The following COG5 variants were observed in gnomAD, a reference collection of about 807,000 sequenced individuals.
COG5 encodes conserved oligomeric Golgi complex subunit 5.
Under a neutral mutation model 110.4 loss-of-function variants are expected in COG5, and 86 were observed. That is an observed-to-expected ratio of 0.78 (90% CI 0.65 to 0.93). The LOEUF is 0.93. COG5 is among the 40% of genes least tolerant of loss of function. The pLI, the probability that COG5 is intolerant of heterozygous loss-of-function variation, is 0.00. For missense variants in COG5, 1,077 were observed against 987.0 expected (o/e 1.09, Z -1.22); for synonymous variants, 360 against 334.6 (o/e 1.08, Z -0.83).
At chr7:107,415,849 TACACACAC>T (rs111596691) in intron 6 of COG5, among the ~76,000 whole-genome samples, 3 of 45,784 alleles carry the variant, frequency 6.6e-5, no homozygotes, top group African/African-American at 5.4e-4. Context: ...TGTGTATATA[TACACACAC>T]ATACACGTAT....
intron 11 of COG5, among the ~76,000 whole-genome samples, chr7:107,317,239 C>T (rs1438124444): frequency 6.6e-6 from 1 of 152,024 alleles, no homozygotes; most frequent in East Asian, 1.9e-4. Context: ...GGCCATGGCA[C>T]GGAAAGAGGG....
chr7:107,497,238 A>G (rs1798338325), intron 6 of COG5, among the ~76,000 whole-genome samples: 2 of 152,180 alleles, frequency 1.3e-5, no homozygotes, highest in Non-Finnish European at 2.9e-5. Flanking sequence ...AAACGAACAA[A>G]CAAGTATTAG....
chr7:107,516,060 T>C (rs73417501), intron 6 of COG5, among the ~76,000 whole-genome samples: 3,906 of 151,758 alleles, frequency 0.026, 179 homozygotes, highest in African/African-American at 0.087. Flanking sequence ...TGAATCTATG[T>C]GATATAACTT....
At chr7:107,246,928 A>G (rs1238951381) in intron 17 of COG5, among the ~76,000 whole-genome samples, 1 of 152,244 alleles carries the variant, frequency 6.6e-6, no homozygotes, top group Non-Finnish European at 1.5e-5. Flanking sequence ...GTGCATGTTC[A>G]TCGCAGCACT....
chr7:107,308,299 C>T (rs1807906297), intron 11 of COG5, among the ~76,000 whole-genome samples: 1 of 152,112 alleles, frequency 6.6e-6, no homozygotes, highest in Admixed American at 6.5e-5. Flanking sequence ...GGGTCTTACT[C>T]TTAGAGACTC....
In COG5 at chr7:107,323,127, G is replaced by A. The variant is rs184906681; in HGVS notation, c.1108+1313C>T. Among the ~76,000 whole-genome samples the A allele has an allele frequency of 2.0e-5, 3 of 152,244 alleles. No individual in the cohort carries two copies. The East Asian group carries it at 5.8e-4, about 29-fold the overall frequency. ...TCATAGAATTTTATGTTTAAAATTG[G>A]TGACTTTTACTGCATATAAATTATA... On this transcript the variant is annotated intron_variant, in intron 11 of 21. Coordinates refer to ENST00000297135, the MANE Select transcript of COG5 (RefSeq NM_006348.5).
Position 107,201,709 on chromosome 7 carries a change from T to C in COG5, c.*1807A>G, listed in dbSNP as rs1366158552. ...GTAATAATAGGCTTGAAAATTGATA[T>C]CCTGTGGTGCTAAAGTACAGTAGAA... On this transcript the variant is annotated 3_prime_UTR_variant, in exon 22 of 22. Transcript: ENST00000297135. 5.6e-5 allele frequency: 20 copies of C among 355,818 alleles called. 1 individual carries two copies. The highest frequency in any genetic ancestry group is 9.2e-5 in the Non-Finnish European group (18 of 196,490). The allele number at this position is 355,818 out of a possible 1,614,324, so 22.0% of individuals were successfully genotyped here. A position where few individuals can be genotyped will look rare whatever the true frequency, so the allele number is the denominator to read the frequency against.
chr7:107,362,975 CA>C (rs1194634559), intron 8 of COG5, among the ~76,000 whole-genome samples: 1 of 151,960 alleles, frequency 6.6e-6, no homozygotes, highest in Non-Finnish European at 1.5e-5. Flanking sequence ...CATTTATGCA[CA>C]AAAAAATTAC....
chr7:107,517,510 T>C (rs1435545769), intron 6 of COG5, among the ~76,000 whole-genome samples: 1 of 151,848 alleles, frequency 6.6e-6, no homozygotes, highest in East Asian at 1.9e-4. Context: ...ACTAAGATAT[T>C]CCATGAGAAG....
At chr7:107,347,072 A>T (rs1291261756) in intron 10 of COG5, among the ~76,000 whole-genome samples, 1 of 152,240 alleles carries the variant, frequency 6.6e-6, no homozygotes, top group African/African-American at 2.4e-5. Context: ...ATACCCAAGC[A>T]ATGATTGCAT....
At chr7:107,504,588 G>C (rs567103911) in intron 6 of COG5, among the ~76,000 whole-genome samples, 2 of 152,194 alleles carry the variant, frequency 1.3e-5, no homozygotes, top group Middle Eastern at 3.4e-3. Context: ...GTTCATCTTT[G>C]AATATCTGGT....
intron 11 of COG5, among the ~76,000 whole-genome samples, chr7:107,299,319 T>C (rs567589692): frequency 1.3e-5 from 2 of 152,186 alleles, no homozygotes; most frequent in African/African-American, 2.4e-5. Flanking sequence ...AAATTACCCA[T>C]ATTAAGAATA....
chr7:107,500,977 C>CA (rs982435463), intron 6 of COG5, among the ~76,000 whole-genome samples: 45 of 152,046 alleles, frequency 3.0e-4, no homozygotes, highest in African/African-American at 1.1e-3. Context: ...CCATATTTAC[C>CA]AAAACAAAGA....
chr7:107,342,317 A>C (rs1233171038), intron 10 of COG5, among the ~76,000 whole-genome samples: 1 of 151,384 alleles, frequency 6.6e-6, no homozygotes, highest in African/African-American at 2.4e-5. Flanking sequence ...AACCACAATG[A>C]GATAACAGTC....
chr7:107,525,192 C>G (rs536281812), intron 6 of COG5, among the ~76,000 whole-genome samples: 1 of 151,522 alleles, frequency 6.6e-6, no homozygotes, highest in East Asian at 1.9e-4. Context: ...TCCCAAAGTG[C>G]TGGGATTACA....
intron 12 of COG5, among the ~76,000 whole-genome samples, chr7:107,286,199 G>C (rs1805614528): frequency 6.6e-6 from 1 of 152,192 alleles, no homozygotes; most frequent in Non-Finnish European, 1.5e-5. Flanking sequence ...GTGTTGGCCA[G>C]AGGTGCAGAT....
intron 11 of COG5, among the ~76,000 whole-genome samples, chr7:107,307,319 T>C (rs1807814673): frequency 6.6e-6 from 1 of 152,216 alleles, no homozygotes; most frequent in South Asian, 2.1e-4. Context: ...TTCCTGTATT[T>C]TCTACTTCTC....
rs189749371 is a variant in COG5, at chr7:107,248,622, G to C, written c.1750-123C>G. 7.1e-6 allele frequency: 5 copies of C among 700,450 alleles called. No homozygotes were observed. In the East Asian group the frequency reaches 1.3e-4, roughly 19 times the overall value. The allele number at this position is 700,450 out of a possible 1,614,324, so 43.4% of individuals were successfully genotyped here. ...TCATATTATATCAAATGCAGACTAA[G>C]TTAACAGAAGTCTGCTCCTCTCCCT... On this transcript the variant is annotated intron_variant, in intron 16 of 21. Coordinates refer to ENST00000297135, the MANE Select transcript of COG5 (RefSeq NM_006348.5).
intron 11 of COG5, among the ~76,000 whole-genome samples, chr7:107,299,494 G>C (rs974457844): frequency 6.6e-6 from 1 of 152,094 alleles, no homozygotes; most frequent in Non-Finnish European, 1.5e-5. Context: ...GCAATAGATA[G>C]ACTGAATAGC....
Sources: allele counts gnomAD v4.1 joint callset (sites outside exome capture counted in the v4.1 genomes callset), GRCh38; gene constraint gnomAD v4.1.1; transcripts MANE v1.5; gene names NCBI Gene and HGNC (gene_info 2026-07-23, HGNC 2026-07-21).